The following ITPR1 variants were observed in gnomAD, a reference collection of about 807,000 sequenced individuals.
ITPR1 encodes inositol 1,4,5-trisphosphate-gated calcium channel ITPR1.
In ITPR1, 96 loss-of-function variants were observed where a neutral mutation model predicts 318.4. The observed-to-expected ratio is 0.30, with a 90% confidence interval of 0.26 to 0.36. The LOEUF (loss-of-function observed/expected upper bound fraction) is 0.36, where lower values mean the gene tolerates loss of function less well. Ranked by LOEUF, ITPR1 falls within the 10% of genes least tolerant of loss-of-function variation. The probability of loss-of-function intolerance (pLI) is 1.00; values close to 1 mark genes in which losing one functional copy is unlikely to be tolerated. For synonymous variants in ITPR1, 1,312 were observed against 1,289.9 expected, an observed-to-expected ratio of 1.02 and a Z score of -0.37; for missense variants, 2,440 against 3,460.2, an observed-to-expected ratio of 0.71 and a Z score of 7.40.
intron 60 of ITPR1, among the ~76,000 whole-genome samples, chr3:4,828,295 T>TA (rs1283655143): frequency 2.6e-5 from 4 of 152,218 alleles, no homozygotes; most frequent in Non-Finnish European, 5.9e-5. Flanking sequence ...CGAAAATTGC[T>TA]AAAATCCTCA....
intron 5 of ITPR1, among the ~76,000 whole-genome samples, chr3:4,636,493 A>C (rs73106502): frequency 0.013 from 2,001 of 152,294 alleles, 46 homozygotes; most frequent in African/African-American, 0.045. Flanking sequence ...CAGTGGTACT[A>C]TCTCAGCTCT....
rs1287657592 is a variant in ITPR1, at chr3:4,691,347, G to A, written c.4029+3G>A. The A allele has an allele frequency of 1.3e-6, 2 of 1,594,678 alleles. No individual in the cohort carries two copies. Among genetic ancestry groups the A allele is most frequent in the Admixed American group, 3.3e-5 (2 of 59,752 alleles). The stretch of plus-strand genomic sequence containing the variant: ...GCCAAGACATGGTTATGGCCGAGGT[G>A]ATTGTTATATATTTCTGTATACCTC... On this transcript the variant is annotated splice_donor_region_variant and intron_variant, in intron 32 of 61. Transcript: ENST00000649015.
intron 2 of ITPR1, among the ~76,000 whole-genome samples, chr3:4,494,962 G>A (rs1559335867): frequency 3.9e-5 from 6 of 152,320 alleles, no homozygotes; most frequent in Admixed American, 1.3e-4. Flanking sequence ...GAAAGTGGTT[G>A]CTGCAAGTTG....
chr3:4,741,904 T>TG (rs529688198), intron 44 of ITPR1, among the ~76,000 whole-genome samples: 3 of 152,198 alleles, frequency 2.0e-5, no homozygotes, highest in African/African-American at 7.2e-5. Context: ...TTTATCCATG[T>TG]GGGAAAGGAG....
chr3:4,533,705 A>G lies in ITPR1; in HGVS notation c.163+12611A>G, dbSNP rs75186594. 9.4e-3 allele frequency among the ~76,000 whole-genome samples: 1,434 copies of G among 152,260 alleles called. 20 individuals carry two copies. Among genetic ancestry groups the G allele is most frequent in the African/African-American group, 0.033 (1,381 of 41,528 alleles). ...GCCAGGCAGACTTTAGCCTTCCTGA[A>G]TTTTTTAGATTTTATTGAGTGGGCC... On this transcript the variant is annotated intron_variant, in intron 4 of 61. Coordinates refer to ENST00000649015, the MANE Select transcript of ITPR1 (RefSeq NM_001378452.1).
At chr3:4,656,791 A>G (rs894476095) in intron 12 of ITPR1, among the ~76,000 whole-genome samples, 6 of 152,182 alleles carry the variant, frequency 3.9e-5, no homozygotes, top group African/African-American at 1.4e-4. Context: ...GCCTAAGAAA[A>G]GCAGGCTGTA....
At chr3:4,609,089 T>TATATATATATAC (rs1171860541) in intron 4 of ITPR1, among the ~76,000 whole-genome samples, 31 of 91,938 alleles carry the variant, frequency 3.4e-4, no homozygotes, top group Admixed American at 8.2e-4. Context: ...TATATATATA[T>TATATATATATAC]ACACACACAC....
Position 4,758,354 on chromosome 3 carries a change from C to T in ITPR1, c.5545-8176C>T, listed in dbSNP as rs537726582. Among the ~76,000 whole-genome samples, 14 of 152,262 alleles carry T rather than the reference C, an allele frequency of 9.2e-5. 1 individual carries two copies. The South Asian group carries it at 2.1e-3, about 23-fold the overall frequency. On this transcript the variant is annotated intron_variant, in intron 44 of 61. Transcript: ENST00000649015. The stretch of plus-strand genomic sequence containing the variant: ...GGACTGCTCCCCCGCAAGCCATGCC[C>T]GCTCCCACCAGGCTCCACCCTGGGA...
At chr3:4,678,801 G>T (rs1307335436) in intron 24 of ITPR1, among the ~76,000 whole-genome samples, 4 of 152,154 alleles carry the variant, frequency 2.6e-5, no homozygotes, top group African/African-American at 4.8e-5. Flanking sequence ...CTGAAGCCGA[G>T]TACCATGGGA....
At chr3:4,613,823 T>G (rs2092270829) in intron 4 of ITPR1, among the ~76,000 whole-genome samples, 1 of 152,170 alleles carries the variant, frequency 6.6e-6, no homozygotes, top group African/African-American at 2.4e-5. Flanking sequence ...TATACAGATA[T>G]ATAGGCATAT....
intron 19 of ITPR1, among the ~76,000 whole-genome samples, chr3:4,670,416 C>T (rs2094049590): frequency 6.6e-6 from 1 of 152,114 alleles, no homozygotes; most frequent in African/African-American, 2.4e-5. Context: ...CTGTGCTAGG[C>T]ACTGTAAAAT....
At chr3:4,663,787 T>C (rs1009506107) in intron 16 of ITPR1, among the ~76,000 whole-genome samples, 3 of 152,226 alleles carry the variant, frequency 2.0e-5, no homozygotes, top group African/African-American at 7.2e-5. Context: ...TGCCCTGAAA[T>C]CATCTGTGCT....
At chr3:4,752,771 C>T (rs2044642590) in intron 44 of ITPR1, among the ~76,000 whole-genome samples, 2 of 152,322 alleles carry the variant, frequency 1.3e-5, no homozygotes, top group South Asian at 4.1e-4. Context: ...GTAGCTAGAA[C>T]TACTGGCTTG....
intron 51 of ITPR1, 83 bp downstream of exon 51, chr3:4,784,003 C>T (rs1213978478): frequency 5.4e-6 from 5 of 919,828 alleles, no homozygotes; most frequent in African/African-American, 1.6e-5. Flanking sequence ...GGCGTGCATT[C>T]ATTCATCTGA....
chr3:4,747,604 G>C (rs1328950169), intron 44 of ITPR1, among the ~76,000 whole-genome samples: 1 of 152,182 alleles, frequency 6.6e-6, no homozygotes, highest in African/African-American at 2.4e-5. Flanking sequence ...TATTTGCTTT[G>C]TTTATAAGGT....
chr3:4,771,581 T>G (rs916130009), intron 46 of ITPR1, among the ~76,000 whole-genome samples: 3 of 152,186 alleles, frequency 2.0e-5, no homozygotes, highest in African/African-American at 7.2e-5. Context: ...TTTTATACCT[T>G]AGCTTTCTGC....
chr3:4,539,412 A>G (rs768894809), intron 4 of ITPR1, among the ~76,000 whole-genome samples: 1 of 152,076 alleles, frequency 6.6e-6, no homozygotes, highest in Non-Finnish European at 1.5e-5. Flanking sequence ...CTTAGGTGCA[A>G]TGTGCTATAT....
At chr3:4,806,081 C>T in intron 54 of ITPR1, 22 bp from the exon 55 acceptor site, 1 of 1,605,390 alleles carries the variant, frequency 6.2e-7, no homozygotes. Flanking sequence ...TGCCATCTGA[C>T]TGTTCCTGTC....
chr3:4,751,381 C>A (rs1176247290), intron 44 of ITPR1: 1 of 152,150 alleles, frequency 6.6e-6, no homozygotes, highest in Non-Finnish European at 1.5e-5. Flanking sequence ...GGAGTGGCCC[C>A]CTGCACCCTG....
Sources: allele counts gnomAD v4.1 joint callset (sites outside exome capture counted in the v4.1 genomes callset), GRCh38; gene constraint gnomAD v4.1.1; transcripts MANE v1.5; gene names NCBI Gene and HGNC (gene_info 2026-07-23, HGNC 2026-07-21).